ROBO2: variants seen among roughly 807,000 people sequenced by gnomAD.
The protein encoded by ROBO2 is roundabout homolog 2.
In ROBO2, 53 loss-of-function variants were observed where a neutral mutation model predicts 160.8. The observed-to-expected ratio is 0.33, with a 90% CI of 0.26 to 0.41. The LOEUF is 0.41. ROBO2 is among the 10% of genes least tolerant of loss of function. The probability of loss-of-function intolerance (pLI) is 1.00; values close to 1 mark genes in which losing one functional copy is unlikely to be tolerated. For synonymous variants in ROBO2, 664 were observed against 611.7 expected (o/e 1.09, Z -1.26); for missense variants, 1,577 against 1,722.4 (o/e 0.92, Z 1.49).
intron 2 of ROBO2, among the ~76,000 whole-genome samples, chr3:76,104,996 A>G (rs1265544479): frequency 2.0e-5 from 3 of 152,156 alleles, no homozygotes; most frequent in African/African-American, 7.2e-5. Context: ...GATGACTTTG[A>G]TTCTCTATGA....
In ROBO2 at chr3:77,260,332, A is replaced by G. The variant is rs556198289; in HGVS notation, c.388+161992A>G. Among the ~76,000 whole-genome samples, 6 of 152,340 alleles carry G rather than the reference A, an allele frequency of 3.9e-5. No homozygotes were observed. In the South Asian group the frequency reaches 1.2e-3, roughly 32 times the overall value. On this transcript the variant is annotated intron_variant, in intron 2 of 25. Coordinates refer to ENST00000461745, the Ensembl canonical transcript of ROBO2. ...TTAACCCAACTTACTGGAGTAGCAT[A>G]TTGATCTCTAAGGGAGGTGATAATA...
At chr3:76,659,573 CT>C (rs2091731893) in intron 2 of ROBO2, among the ~76,000 whole-genome samples, 2 of 152,006 alleles carry the variant, frequency 1.3e-5, no homozygotes, top group Admixed American at 6.6e-5. Flanking sequence ...CTTCCATTTC[CT>C]GTGTTCTGGT....
intron 2 of ROBO2, among the ~76,000 whole-genome samples, chr3:77,309,604 T>C (rs2063375151): frequency 6.6e-6 from 1 of 152,224 alleles, no homozygotes; most frequent in Admixed American, 6.5e-5. Context: ...CTGGTAACAC[T>C]ACTACTAAGA....
At chr3:76,478,153 A>G (rs2079027159) in intron 2 of ROBO2, among the ~76,000 whole-genome samples, 1 of 147,334 alleles carries the variant, frequency 6.8e-6, no homozygotes, top group Non-Finnish European at 1.5e-5. Context: ...CATTAGGTAT[A>G]TCTCCTAATG....
At chr3:77,050,842 T>A (rs2065158913) in intron 1 of ROBO2, among the ~76,000 whole-genome samples, 1 of 149,990 alleles carries the variant, frequency 6.7e-6, no homozygotes, top group African/African-American at 2.5e-5. Flanking sequence ...AACCCTATCT[T>A]TGCAAAAAAA....
At chr3:76,589,492 C>G (rs545301626) in intron 2 of ROBO2, among the ~76,000 whole-genome samples, 127 of 152,142 alleles carry the variant, frequency 8.3e-4, no homozygotes, top group Non-Finnish European at 1.5e-3. Flanking sequence ...TTAGTAGAGA[C>G]GGGGTTTCAC....
chr3:76,140,236 A>G (rs1473061833), intron 2 of ROBO2, among the ~76,000 whole-genome samples: 1 of 152,046 alleles, frequency 6.6e-6, no homozygotes, highest in Non-Finnish European at 1.5e-5. Flanking sequence ...TGAATATAAA[A>G]TATTTGGAGT....
rs10598282 is a variant in ROBO2, at chr3:76,562,439, ATCTC to A, written c.110-535552_110-535549del. ...CTGATACATGCATCTTATAAGATTG[ATCTC>A]TCTCTCTCTCTCTCTCTCTCTCAAC... On this transcript the variant is annotated intron_variant, in intron 2 of 26. Transcript: ENST00000487694. Among the ~76,000 whole-genome samples the A allele has an allele frequency of 4.6e-3, 677 of 147,128 alleles. 7 individuals are homozygous for A. Among genetic ancestry groups the A allele is most frequent in the African/African-American group, 0.014 (577 of 39,928 alleles).
intron 2 of ROBO2, among the ~76,000 whole-genome samples, chr3:76,065,601 A>AT (rs2068224638): frequency 6.6e-6 from 1 of 151,828 alleles, no homozygotes; most frequent in Non-Finnish European, 1.5e-5. Flanking sequence ...TTTCCTCCAA[A>AT]GGGGTATATT....
chr3:76,318,064 C>G lies in ROBO2; in HGVS notation c.109+380462C>G, dbSNP rs140899883. On this transcript the variant is annotated intron_variant, in intron 2 of 26. Transcript: ENST00000487694. ...GCTTGTTCCCTTGTGATTAAAATACCCTGAGATTTCATGTTATTTACCTGA... is the reference window on the plus strand; with the variant it reads ...GCTTGTTCCCTTGTGATTAAAATACGCTGAGATTTCATGTTATTTACCTGA... Among the ~76,000 whole-genome samples the G allele has an allele frequency of 1.5e-4, 22 of 151,344 alleles. No homozygotes were observed. In the East Asian group the frequency reaches 4.1e-3, roughly 28 times the overall value.
chr3:76,138,987 A>C (rs2071531570), intron 2 of ROBO2, among the ~76,000 whole-genome samples: 1 of 152,156 alleles, frequency 6.6e-6, no homozygotes, highest in Non-Finnish European at 1.5e-5. Flanking sequence ...GCCACAAGAG[A>C]ATGTTTTGGC....
intron 2 of ROBO2, among the ~76,000 whole-genome samples, chr3:75,968,272 G>A (rs942896023): frequency 5.3e-5 from 8 of 151,332 alleles, no homozygotes; most frequent in African/African-American, 1.5e-4. Context: ...CTTTGCTGGC[G>A]AGTCTACATT....
In ROBO2 at chr3:76,638,152, A is replaced by G. The variant is rs536478364; in HGVS notation, c.110-459862A>G. On this transcript the variant is annotated intron_variant, in intron 2 of 26. Transcript: ENST00000487694. ...TCAAATGAATCCTGCCTAAATAACC[A>G]TCTGATGACATTTTTATCCAGTTAT... is the stretch of plus-strand genomic sequence containing the variant. 7.9e-5 allele frequency among the ~76,000 whole-genome samples: 12 copies of G among 152,294 alleles called. No individual in the cohort carries two copies. In the South Asian group the frequency reaches 2.5e-3, roughly 32 times the overall value.
intron 2 of ROBO2, among the ~76,000 whole-genome samples, chr3:76,698,720 C>T (rs185288760): frequency 1.8e-4 from 28 of 152,222 alleles, no homozygotes; most frequent in Admixed American, 7.2e-4. Context: ...GTGTGGAGAC[C>T]ACTCCAAATT....
At chr3:77,568,974 C>A (rs574379664) in intron 13 of ROBO2, among the ~76,000 whole-genome samples, 1 of 151,956 alleles carries the variant, frequency 6.6e-6, no homozygotes, top group Non-Finnish European at 1.5e-5. Flanking sequence ...CATGTGGTAG[C>A]GCGTATCAGG....
At chr3:76,440,901 T>C (rs1262226165) in intron 2 of ROBO2, among the ~76,000 whole-genome samples, 1 of 152,118 alleles carries the variant, frequency 6.6e-6, no homozygotes, top group Non-Finnish European at 1.5e-5. Context: ...GCATGTGGCA[T>C]GTGGCATGTG....
At chr3:77,059,195 T>G (rs2066048072) in intron 1 of ROBO2, among the ~76,000 whole-genome samples, 1 of 151,986 alleles carries the variant, frequency 6.6e-6, no homozygotes, top group Non-Finnish European at 1.5e-5. Flanking sequence ...AAGAGTGAGA[T>G]CTGAGAAAAG....
chr3:77,216,398 G>A (rs572793213), intron 2 of ROBO2, among the ~76,000 whole-genome samples: 2 of 152,316 alleles, frequency 1.3e-5, no homozygotes, highest in Non-Finnish European at 2.9e-5. Flanking sequence ...TAATCTCCTG[G>A]TGCGCCGTTT....
intron 2 of ROBO2, among the ~76,000 whole-genome samples, chr3:76,655,278 G>GC (rs1372890484): frequency 8.7e-5 from 13 of 149,888 alleles, no homozygotes; most frequent in Non-Finnish European, 1.5e-4. Flanking sequence ...CCTTGAAAAT[G>GC]CATGAATTAT....
Sources: gnomAD v4.1 joint callset for allele counts (sites outside exome capture counted in the v4.1 genomes callset) on GRCh38, gnomAD v4.1.1 for gene constraint, MANE v1.5 for transcripts, NCBI Gene and HGNC (gene_info 2026-07-23, HGNC 2026-07-21) for gene names.